ACOT12: variants seen among roughly 807,000 people sequenced by gnomAD.
The protein encoded by ACOT12 is acyl-CoA thioesterase 12.
A neutral mutation model predicts 67.7 loss-of-function variants in ACOT12; 51 were observed. The observed-to-expected ratio is 0.75, with a 90% confidence interval of 0.60 to 0.95. The LOEUF (loss-of-function observed/expected upper bound fraction) is 0.95. Among genes scored for constraint, ACOT12 ranks in the 40% least tolerant of loss-of-function variants. The pLI is 0.00. For missense variants in ACOT12, 734 were observed against 708.1 expected, an observed-to-expected ratio of 1.04 and a Z score of -0.41; for synonymous variants, 251 against 244.6, an observed-to-expected ratio of 1.03 and a Z score of -0.24.
chr5:81,371,126 T>C (rs1169738215), intron 3 of ACOT12, among the ~76,000 whole-genome samples: 1 of 152,232 alleles, frequency 6.6e-6, no homozygotes, highest in Non-Finnish European at 1.5e-5. Context: ...GTCAGCATAA[T>C]TAAGAAATAA....
the ACOT12 span, among the ~76,000 whole-genome samples, chr5:81,315,393 T>C: frequency 2.0e-5 from 3 of 152,168 alleles, no homozygotes; most frequent in African/African-American, 4.8e-5. Flanking sequence ...ACCATCCTTA[T>C]AGGAAAGAGC....
intron 4 of ACOT12, 119 bp downstream of exon 4, chr5:81,363,669 T>C (rs1561340660): frequency 1.6e-6 from 1 of 628,104 alleles, no homozygotes; most frequent in East Asian, 3.2e-5. Context: ...GAATAACAAA[T>C]CTTGGGGAAG....
intron 4 of ACOT12, among the ~76,000 whole-genome samples, chr5:81,361,937 C>T (rs1759921938): frequency 6.6e-6 from 1 of 152,170 alleles, no homozygotes; most frequent in South Asian, 2.1e-4. Flanking sequence ...TCAAGTAGTC[C>T]TATGGGTTCA....
At chr5:81,308,802 G>T in the ACOT12 span, 1 of 1,487,814 alleles carries the variant, frequency 6.7e-7, no homozygotes, top group Non-Finnish European at 9.0e-7. Context: ...TGTTACGAGT[G>T]TGCCACTTAG....
At chr5:81,386,501 T>G (rs1490970019) in intron 1 of ACOT12, among the ~76,000 whole-genome samples, 1 of 149,468 alleles carries the variant, frequency 6.7e-6, no homozygotes, top group Non-Finnish European at 1.5e-5. Flanking sequence ...TTTGCTCAGA[T>G]TTTTTTTTTA....
chr5:81,376,797 C>T (rs892426648), intron 2 of ACOT12, among the ~76,000 whole-genome samples: 3 of 151,992 alleles, frequency 2.0e-5, no homozygotes, highest in African/African-American at 7.3e-5. Flanking sequence ...AGGAAGAAGT[C>T]GAATCTCTGA....
chr5:81,331,354 A>G (rs4704722), intron 13 of ACOT12, among the ~76,000 whole-genome samples: 53,108 of 151,770 alleles, frequency 0.35, 9,393 homozygotes, highest in African/African-American at 0.42. Flanking sequence ...CCTGACCAAC[A>G]TGGAGAAACT....
intron 1 of ACOT12, among the ~76,000 whole-genome samples, chr5:81,390,031 T>A (rs1303603307): frequency 6.7e-6 from 1 of 149,850 alleles, no homozygotes; most frequent in African/African-American, 2.5e-5. Flanking sequence ...CATGGCTCAC[T>A]GCAGCCTCGA....
chr5:81,379,082 A>C (rs1760502020), intron 2 of ACOT12, among the ~76,000 whole-genome samples: 1 of 152,154 alleles, frequency 6.6e-6, no homozygotes, highest in African/African-American at 2.4e-5. Context: ...AACCAACCCA[A>C]ATGCCCATCA....
chr5:81,311,120 T>G, the ACOT12 span: 56 of 1,290,572 alleles, frequency 4.3e-5, no homozygotes, highest in Non-Finnish European at 5.9e-5. Flanking sequence ...GACAGGGTTG[T>G]GAGGATCCAG....
chr5:81,346,847 T>C (rs1482090967), intron 6 of ACOT12, among the ~76,000 whole-genome samples: 1 of 152,180 alleles, frequency 6.6e-6, no homozygotes, highest in African/African-American at 2.4e-5. Context: ...AAATACAACC[T>C]TAAAAATTTT....
rs1758763738 is a variant in ACOT12 at position 81,330,002 on chromosome 5, A to G, written c.*392T>C. The G allele has an allele frequency of 6.4e-6, 1 of 156,318 alleles. No homozygotes were observed. Among genetic ancestry groups the G allele is most frequent in the Non-Finnish European group, 1.4e-5 (1 of 70,646 alleles). The allele number at this position is 156,318 out of a possible 1,614,324, so 9.7% of individuals were successfully genotyped here. ...CATTAATCAACGAGTCAACTTAGCA[A>G]ATCATTTTAGATTTTATAATTTTTT... On this transcript the variant is annotated 3_prime_UTR_variant, in exon 15 of 15. Coordinates refer to ENST00000307624, the MANE Select transcript of ACOT12 (RefSeq NM_130767.3).
chr5:81,339,837 T>C (rs2153846580), intron 11 of ACOT12, among the ~76,000 whole-genome samples: 1 of 152,306 alleles, frequency 6.6e-6, no homozygotes, highest in East Asian at 1.9e-4. Flanking sequence ...TTTCATCACA[T>C]ATACTACAAT....
chr5:81,318,026 G>A, the ACOT12 span, among the ~76,000 whole-genome samples: 19 of 151,914 alleles, frequency 1.3e-4, no homozygotes, highest in African/African-American at 4.6e-4. Flanking sequence ...GGGACTACAG[G>A]CATGCTGCAC....
intron 6 of ACOT12, 54 bp from the exon 7 acceptor site, chr5:81,346,058 G>C: frequency 6.3e-7 from 1 of 1,597,122 alleles, no homozygotes; most frequent in Non-Finnish European, 8.5e-7. Flanking sequence ...TTCATTCATC[G>C]AACAAATGCA....
Position 81,332,589 on chromosome 5 carries a change from C to CT in ACOT12, c.1278dup (p.Asp427ArgfsTer5). The CT allele has an allele frequency of 1.9e-6, 3 of 1,614,064 alleles. No individual in the cohort carries two copies. In the South Asian group the frequency reaches 3.3e-5, roughly 18 times the overall value. On this transcript the variant is annotated frameshift_variant, in exon 13 of 15. Transcript: ENST00000307624. LOFTEE classifies it high-confidence loss of function. Reference sequence around the variant, plus strand: ...AGCTGATCATCTTCACTCACCCAGTCTATGACTTCACAGGACCTGTGTATA... The same window carrying CT: ...AGCTGATCATCTTCACTCACCCAGTCTTATGACTTCACAGGACCTGTGTATA...
chr5:81,343,963 ACTT>A (rs1759289117), intron 9 of ACOT12, 82 bp from the exon 10 acceptor site: 1 of 1,364,958 alleles, frequency 7.3e-7, no homozygotes, highest in African/African-American at 1.5e-5. Flanking sequence ...ACTTTCTTGA[ACTT>A]CTATCAGCCA....
chr5:81,327,042 T>C (rs1349739004), downstream of ACOT12, among the ~76,000 whole-genome samples: 2 of 152,072 alleles, frequency 1.3e-5, no homozygotes, highest in African/African-American at 4.8e-5. Context: ...CCAAATATGA[T>C]AGTATCAACA....
the ACOT12 span, among the ~76,000 whole-genome samples, chr5:81,309,546 C>T: frequency 3.3e-5 from 5 of 152,276 alleles, no homozygotes; most frequent in East Asian, 1.9e-4. Context: ...AAAGTCTATG[C>T]GGTCTAAAGC....
Sources: gnomAD v4.1 joint callset for allele counts (sites outside exome capture counted in the v4.1 genomes callset) on GRCh38, gnomAD v4.1.1 for gene constraint, MANE v1.5 for transcripts, NCBI Gene and HGNC (gene_info 2026-07-23, HGNC 2026-07-21) for gene names.